YWHAZ: variants seen among roughly 807,000 people sequenced by gnomAD.
YWHAZ encodes the protein tyrosine 3-monooxygenase/tryptophan 5-monooxygenase activation protein zeta, also known as 14-3-3 protein zeta/delta.
For synonymous variants in YWHAZ, 87 were observed against 103.6 expected (o/e 0.84, Z 0.97); for missense variants, 79 against 284.8 (o/e 0.28, Z 5.20).
At chr8:100,929,631 C>T (rs1396177002) in intron 2 of YWHAZ, among the ~76,000 whole-genome samples, 4 of 152,136 alleles carry the variant, frequency 2.6e-5, no homozygotes, top group East Asian at 1.9e-4. Context: ...ACTATCTAAC[C>T]GGATTTTTGT....
At chr8:100,951,076 A>G in intron 1 of YWHAZ, 1 of 809,622 alleles carries the variant, frequency 1.2e-6, no homozygotes, top group Non-Finnish European at 1.5e-6. Flanking sequence ...GAGCAAAAAA[A>G]GTCAGACCCA....
chr8:100,929,581 A>G (rs1168896027), intron 2 of YWHAZ, among the ~76,000 whole-genome samples: 1 of 152,174 alleles, frequency 6.6e-6, no homozygotes, highest in Non-Finnish European at 1.5e-5. Context: ...TGTTAACTAT[A>G]ATTTCCCTAC....
intron 2 of YWHAZ, 127 bp from the exon 3 acceptor site, chr8:100,925,166 A>G: frequency 1.0e-6 from 1 of 967,732 alleles, no homozygotes; most frequent in Non-Finnish European, 1.5e-6. Context: ...TGTCAATACA[A>G]TTGTGAATGC....
chr8:100,951,415 A>AGGTGGGGGCGGCCGAGGGAGAGG, intron 1 of YWHAZ: 1 of 978,408 alleles, frequency 1.0e-6, no homozygotes, highest in Non-Finnish European at 1.2e-6. Flanking sequence ...GGGGAGGGAA[A>AGGTGGGGGCGGCCGAGGGAGAGG]GGAGGGGGCG....
rs773707610 is a variant in YWHAZ at position 100,948,911 on chromosome 8, GA to G, written c.-11-12del. On this transcript the variant is annotated splice_polypyrimidine_tract_variant and intron_variant, in intron 1 of 5. Coordinates refer to ENST00000395958, the MANE Select transcript of YWHAZ (RefSeq NM_145690.3). The surrounding 1 kb of genome is among the most constrained non-coding windows in gnomAD (Gnocchi z 4.2). Reference sequence around the variant, plus strand: ...CCATGACTGGATGTTCTGCAGGGGGGAAAAAAGGAGTATTTAAAATTTTTCC... The same window carrying G: ...CCATGACTGGATGTTCTGCAGGGGGGAAAAAGGAGTATTTAAAATTTTTCC... 4.5e-6 allele frequency: 7 copies of G among 1,548,704 alleles called. No homozygotes were observed. Among genetic ancestry groups the G allele is most frequent in the East Asian group, 2.3e-5 (1 of 44,280 alleles).
At position 100,919,528 on chromosome 8, in the gene YWHAZ, T is replaced by A. The variant is rs1812880698; in HGVS notation, c.*1165A>T. On this transcript the variant is annotated 3_prime_UTR_variant, in exon 6 of 6. Transcript: ENST00000395958. ...GATCATGGGACATGGAAACAGTAGT[T>A]ATATTAGTAGTATTTTTGTTATGAT... 1 of 152,272 alleles carries A rather than the reference T, an allele frequency of 6.6e-6. No individual in the cohort carries two copies. The highest frequency in any genetic ancestry group is 1.5e-5 in the Non-Finnish European group (1 of 68,028). 9.4% of individuals were successfully genotyped at this position (152,272 alleles called of 1,614,324 possible). A position where few individuals can be genotyped will look rare whatever the true frequency, so the allele number is the denominator to read the frequency against.
rs1204280115 is a variant in YWHAZ, at chr8:100,948,318, C to CA, written c.294+277dup. Among the ~76,000 whole-genome samples the CA allele has an allele frequency of 6.6e-6, 1 of 152,098 alleles. No individual in the cohort carries two copies. Among genetic ancestry groups the CA allele is most frequent in the Non-Finnish European group, 1.5e-5 (1 of 68,016 alleles). ...TCTAACCATAAGTAAAACAGTAACACAATTAGTTTATATTTTCAATTAATA... is the reference window on the plus strand; with the variant it reads ...TCTAACCATAAGTAAAACAGTAACACAAATTAGTTTATATTTTCAATTAATA... On this transcript the variant is annotated intron_variant, in intron 2 of 5. Coordinates refer to ENST00000395958, the MANE Select transcript of YWHAZ (RefSeq NM_145690.3). The surrounding 1 kb of genome is among the most constrained non-coding windows in gnomAD (Gnocchi z 4.2).
In YWHAZ at chr8:100,948,225, A is replaced by T; in HGVS notation, c.294+371T>A. The T allele has an allele frequency of 8.0e-7, 1 of 1,251,058 alleles. No individual in the cohort carries two copies. Among genetic ancestry groups the T allele is most frequent in the Non-Finnish European group, 1.1e-6 (1 of 922,890 alleles). 77.5% of individuals were successfully genotyped at this position (1,251,058 alleles called of 1,614,324 possible). On this transcript the variant is annotated intron_variant, in intron 2 of 5. Transcript: ENST00000395958. The surrounding 1 kb of genome is among the most constrained non-coding windows in gnomAD (Gnocchi z 4.2). ...ATCCTATTACATCTCTCTTACCTAA[A>T]GTATGTAAAATTCCTTTATCCACAG...
intron 2 of YWHAZ, among the ~76,000 whole-genome samples, chr8:100,936,948 A>C (rs1199428684): frequency 6.6e-6 from 1 of 152,234 alleles, no homozygotes; most frequent in Non-Finnish European, 1.5e-5. Flanking sequence ...ATTAAAGGAG[A>C]GTAAGGAGAC....
intron 2 of YWHAZ, among the ~76,000 whole-genome samples, chr8:100,947,496 C>G (rs1810387233): frequency 6.6e-6 from 1 of 152,082 alleles, no homozygotes; most frequent in African/African-American, 2.4e-5. Flanking sequence ...AATCACTATT[C>G]TTTAAAAAGA....
intron 2 of YWHAZ, among the ~76,000 whole-genome samples, chr8:100,946,483 G>A (rs1000310937): frequency 2.6e-5 from 4 of 152,078 alleles, no homozygotes; most frequent in African/African-American, 9.7e-5. Context: ...CACGGGAGGC[G>A]GAAGTTGCAG....
intron 2 of YWHAZ, among the ~76,000 whole-genome samples, chr8:100,940,864 C>G (rs1241175984): frequency 1.3e-5 from 2 of 152,206 alleles, no homozygotes; most frequent in Non-Finnish European, 2.9e-5. Context: ...GTTTTATCAC[C>G]TCTCTTAAAG....
Position 100,918,820 on chromosome 8 carries a change from TAAAAG to T in YWHAZ, c.*1868_*1872del, listed in dbSNP as rs2130059279. On this transcript the variant is annotated 3_prime_UTR_variant, in exon 6 of 6. Transcript: ENST00000395958. ...CCCTGCTCTTGAGGAGCTTACATTC[TAAAAG>T]AAAAAATACACCTTTTTTAAAATGG... The T allele has an allele frequency of 6.5e-6, 1 of 152,674 alleles. No individual in the cohort carries two copies. The highest frequency in any genetic ancestry group is 2.1e-4 in the South Asian group (1 of 4,828). 9.5% of individuals were successfully genotyped at this position (152,674 alleles called of 1,614,324 possible).
intron 2 of YWHAZ, among the ~76,000 whole-genome samples, chr8:100,935,272 C>T (rs1319917722): frequency 6.6e-6 from 1 of 152,140 alleles, no homozygotes; most frequent in Non-Finnish European, 1.5e-5. Flanking sequence ...TATTAAACTC[C>T]CTGACTGAAT....
chr8:100,920,840 G>A, intron 5 of YWHAZ, 88 bp from the exon 6 acceptor site: 2 of 997,198 alleles, frequency 2.0e-6, no homozygotes, highest in Non-Finnish European at 3.1e-6. Context: ...ATACCTGAAT[G>A]TTTTAGTTGG....
At chr8:100,925,941 A>T (rs1158527729) in intron 2 of YWHAZ, among the ~76,000 whole-genome samples, 1 of 152,054 alleles carries the variant, frequency 6.6e-6, no homozygotes, top group Non-Finnish European at 1.5e-5. Context: ...AAGCAAAAAA[A>T]CCCCAACCAC....
chr8:100,938,098 C>A (rs200825943), intron 2 of YWHAZ, among the ~76,000 whole-genome samples: 7 of 152,166 alleles, frequency 4.6e-5, no homozygotes, highest in African/African-American at 1.7e-4. Context: ...CCATTGTACT[C>A]CAGCCTGGGC....
chr8:100,930,663 ATTTT>A (rs904812068), intron 2 of YWHAZ, among the ~76,000 whole-genome samples: 2 of 152,006 alleles, frequency 1.3e-5, no homozygotes, highest in African/African-American at 2.4e-5. Flanking sequence ...CCTCCCATTA[ATTTT>A]TTTAATTTTT....
At chr8:100,927,589 T>G (rs1333788300) in intron 2 of YWHAZ, among the ~76,000 whole-genome samples, 1 of 152,204 alleles carries the variant, frequency 6.6e-6, no homozygotes, top group East Asian at 1.9e-4. Flanking sequence ...CCTCTATGTA[T>G]GCAGAGATGA....
Sources: gnomAD v4.1 joint callset for allele counts (sites outside exome capture counted in the v4.1 genomes callset) on GRCh38, gnomAD v4.1.1 for gene constraint, Gnocchi (gnomAD v3.1) non-coding constraint, MANE v1.5 for transcripts, NCBI Gene and HGNC (gene_info 2026-07-23, HGNC 2026-07-21) for gene names.